The following ARNT2 variants were observed in gnomAD, a reference collection of about 807,000 sequenced individuals.
ARNT2 encodes aryl hydrocarbon receptor nuclear translocator 2, also known as ARNT protein 2.
ARNT2 carries 36 observed loss-of-function variants against 91.7 expected under a neutral mutation model. The observed-to-expected ratio is 0.39, with a 90% CI of 0.30 to 0.52. The LOEUF (loss-of-function observed/expected upper bound fraction) is 0.52, where lower values mean the gene tolerates loss of function less well. Ranked by LOEUF, ARNT2 falls within the 20% of genes least tolerant of loss-of-function variation. The pLI is 0.72. For missense variants in ARNT2, 775 were observed against 939.3 expected, an observed-to-expected ratio of 0.83 and a Z score of 2.29; for synonymous variants, 365 against 347.1, an observed-to-expected ratio of 1.05 and a Z score of -0.57.
At chr15:80,505,936 T>TG (rs1266171513) in intron 5 of ARNT2, among the ~76,000 whole-genome samples, 1 of 136,526 alleles carries the variant, frequency 7.3e-6, no homozygotes, top group African/African-American at 2.9e-5. Context: ...TGTTTTTTTT[T>TG]TTTTTTTTTT....
At chr15:80,565,573 T>A (rs1898464555) in intron 12 of ARNT2, among the ~76,000 whole-genome samples, 1 of 151,986 alleles carries the variant, frequency 6.6e-6, no homozygotes, top group African/African-American at 2.4e-5. Context: ...ATAGCCATTC[T>A]AACTGGTGTG....
intron 5 of ARNT2, among the ~76,000 whole-genome samples, chr15:80,489,445 C>T (rs1388990222): frequency 6.6e-6 from 1 of 152,198 alleles, no homozygotes; most frequent in East Asian, 1.9e-4. Context: ...CAGTTTTCTC[C>T]TTTTGGGTGA....
chr15:80,480,551 C>T (rs973076370), intron 5 of ARNT2, among the ~76,000 whole-genome samples: 1 of 152,178 alleles, frequency 6.6e-6, no homozygotes, highest in Middle Eastern at 3.2e-3. Context: ...GCATAACCCA[C>T]GGACTCTTCA....
At chr15:80,517,097 C>G (rs1363978605) in intron 8 of ARNT2, among the ~76,000 whole-genome samples, 2 of 151,746 alleles carry the variant, frequency 1.3e-5, no homozygotes, top group Non-Finnish European at 2.9e-5. Context: ...TGCTCTTCTT[C>G]CAAGGAACTT....
intron 8 of ARNT2, 35 bp from the exon 9 acceptor site, chr15:80,551,164 C>A: frequency 6.3e-7 from 1 of 1,582,406 alleles, no homozygotes; most frequent in African/African-American, 1.3e-5. Context: ...TCACCTTGGG[C>A]ATATTGTTGA....
At chr15:80,464,065 G>A (rs1220910042) in intron 3 of ARNT2, among the ~76,000 whole-genome samples, 1 of 152,196 alleles carries the variant, frequency 6.6e-6, no homozygotes, top group Non-Finnish European at 1.5e-5. Flanking sequence ...GGGATCATAA[G>A]CAGTCCTGAG....
intron 8 of ARNT2, among the ~76,000 whole-genome samples, chr15:80,535,497 T>G (rs1231427751): frequency 1.3e-5 from 2 of 152,258 alleles, no homozygotes; most frequent in Non-Finnish European, 2.9e-5. Context: ...TCTTCATTAG[T>G]GAAATTGAGC....
intron 17 of ARNT2, among the ~76,000 whole-genome samples, chr15:80,583,779 C>T (rs1023975215): frequency 3.3e-5 from 5 of 152,204 alleles, no homozygotes; most frequent in African/African-American, 1.2e-4. Flanking sequence ...CTGGGCAGTA[C>T]ATCTGAGACT....
At chr15:80,590,573 A>G (rs1893258313) in intron 17 of ARNT2, among the ~76,000 whole-genome samples, 1 of 149,098 alleles carries the variant, frequency 6.7e-6, no homozygotes, top group Non-Finnish European at 1.5e-5. Context: ...CCCCATCTCT[A>G]AAAAAAAAAT....
intron 8 of ARNT2, among the ~76,000 whole-genome samples, chr15:80,533,011 A>C (rs936889044): frequency 1.2e-4 from 18 of 152,278 alleles, no homozygotes; most frequent in African/African-American, 4.1e-4. Context: ...GAGACTTTTG[A>C]GCACCAGGAA....
chr15:80,500,465 T>C (rs74029839), intron 5 of ARNT2, among the ~76,000 whole-genome samples: 2,671 of 152,350 alleles, frequency 0.018, 82 homozygotes, highest in African/African-American at 0.061. Flanking sequence ...ATTCTTTTGA[T>C]GAAATAATTC....
chr15:80,482,293 T>C (rs746387987), intron 5 of ARNT2, among the ~76,000 whole-genome samples: 4 of 152,178 alleles, frequency 2.6e-5, no homozygotes, highest in Admixed American at 1.3e-4. Flanking sequence ...TGGGTAGATT[T>C]GATAAATACA....
Position 80,497,274 on chromosome 15 carries a change from G to A in ARNT2, c.623-10882G>A, listed in dbSNP as rs141464898. Among the ~76,000 whole-genome samples the A allele has an allele frequency of 2.5e-3, 387 of 152,364 alleles. 6 individuals carry two copies. Among genetic ancestry groups the A allele is most frequent in the African/African-American group, 8.8e-3 (368 of 41,598 alleles). ...GTAAGCCATTTAAAAGGAGAAAATT[G>A]TATCTGGCTCATGACAGATGGGGAA... On this transcript the variant is annotated intron_variant, in intron 5 of 18. Transcript: ENST00000303329.
chr15:80,437,922 T>TACACACAC (rs58142108), intron 1 of ARNT2, among the ~76,000 whole-genome samples: 19,898 of 141,430 alleles, frequency 0.14, 1,470 homozygotes, highest in South Asian at 0.19. Flanking sequence ...TGTATTTACC[T>TACACACAC]ACACACACAC....
At chr15:80,438,543 A>G (rs1376950675) in intron 1 of ARNT2, among the ~76,000 whole-genome samples, 3 of 152,262 alleles carry the variant, frequency 2.0e-5, no homozygotes, top group African/African-American at 7.2e-5. Flanking sequence ...GAAGGCCAGC[A>G]TACCAAACAA....
chr15:80,585,599 A>C (rs1898881613), intron 17 of ARNT2, among the ~76,000 whole-genome samples: 1 of 152,198 alleles, frequency 6.6e-6, no homozygotes, highest in Non-Finnish European at 1.5e-5. Context: ...CACACTGTGG[A>C]TGCTCTGGAC....
chr15:80,541,519 G>T (rs539719979), intron 8 of ARNT2, among the ~76,000 whole-genome samples: 2 of 151,686 alleles, frequency 1.3e-5, no homozygotes, highest in Non-Finnish European at 2.9e-5. Flanking sequence ...AATTTTTTTC[G>T]TTGCAATTGC....
intron 1 of ARNT2, among the ~76,000 whole-genome samples, chr15:80,418,595 C>G (rs974124440): frequency 6.6e-6 from 1 of 152,192 alleles, no homozygotes; most frequent in Non-Finnish European, 1.5e-5. Flanking sequence ...TCCTCTTGGC[C>G]CCTCCCATGC....
chr15:80,547,659 G>C (rs1596007651), intron 8 of ARNT2, among the ~76,000 whole-genome samples: 1 of 152,212 alleles, frequency 6.6e-6, no homozygotes, highest in Non-Finnish European at 1.5e-5. Context: ...ACAATTGACA[G>C]TATTTGTTGT....
Sources: gnomAD v4.1 joint callset for allele counts (sites outside exome capture counted in the v4.1 genomes callset) on GRCh38, gnomAD v4.1.1 for gene constraint, MANE v1.5 for transcripts, NCBI Gene and HGNC (gene_info 2026-07-23, HGNC 2026-07-21) for gene names.